Variants in RARB observed in about 807,000 individuals in gnomAD.
The protein encoded by RARB is HBV-activated protein.
Under a neutral mutation model 51.9 loss-of-function variants are expected in RARB, and 17 were observed. That is an observed-to-expected ratio of 0.33 (90% confidence interval 0.22 to 0.49). The LOEUF is 0.49. RARB is among the 20% of genes least tolerant of loss of function. The pLI, the probability that RARB is intolerant of heterozygous loss-of-function variation, is 0.99. For synonymous variants in RARB, 215 were observed against 195.4 expected, an observed-to-expected ratio of 1.10 and a Z score of -0.84; for missense variants, 369 against 550.8, an observed-to-expected ratio of 0.67 and a Z score of 3.30.
intron 3 of RARB, among the ~76,000 whole-genome samples, chr3:25,080,830 T>A (rs1438136539): frequency 6.6e-6 from 1 of 152,174 alleles, no homozygotes; most frequent in Non-Finnish European, 1.5e-5. Flanking sequence ...TTGCAATTTT[T>A]TTCTACTTTT....
Position 25,094,716 on chromosome 3 carries a change from C to CAAAAAAAAAAAAA in RARB, c.-328+34553_-328+34565dup, listed in dbSNP as rs57477720. Among the ~76,000 whole-genome samples the CAAAAAAAAAAAAA allele has an allele frequency of 5.9e-3, 255 of 43,104 alleles. 10 individuals are homozygous for CAAAAAAAAAAAAA. Among genetic ancestry groups the CAAAAAAAAAAAAA allele is most frequent in the Middle Eastern group, 0.031 (1 of 32 alleles). 28.3% of individuals were successfully genotyped at this position (43,104 alleles called of 152,430 possible). A position where few individuals can be genotyped will look rare whatever the true frequency, so the allele number is the denominator to read the frequency against. On this transcript the variant is annotated intron_variant, in intron 3 of 11. Coordinates refer to the RARB transcript ENST00000383772. ...TGGGAGACAGAGTGAGACCCCATCT[C>CAAAAAAAAAAAAA]AAAAAAAAAAAAAAAAAAAAAAAAA...
chr3:24,982,840 G>A (rs375224730), intron 2 of RARB, among the ~76,000 whole-genome samples: 49 of 152,250 alleles, frequency 3.2e-4, no homozygotes, highest in African/African-American at 1.0e-3. Context: ...TTAGTCAAGG[G>A]AAGTTGAATA....
intron 4 of RARB, among the ~76,000 whole-genome samples, chr3:25,137,535 T>C (rs2125335678): frequency 6.6e-6 from 1 of 152,262 alleles, no homozygotes; most frequent in African/African-American, 2.4e-5. Flanking sequence ...AAAGGAGTTT[T>C]GATTTTAGTA....
At chr3:25,043,517 A>G (rs916039494) in intron 2 of RARB, among the ~76,000 whole-genome samples, 7 of 152,238 alleles carry the variant, frequency 4.6e-5, no homozygotes, top group Non-Finnish European at 1.0e-4. Flanking sequence ...GAATTTTAAG[A>G]AGGAAAAATT....
chr3:25,417,198 T>TAAA lies in RARB; in HGVS notation c.179-43982_179-43980dup, dbSNP rs35119404. On this transcript the variant is annotated intron_variant, in intron 5 of 11. Transcript: ENST00000383772. ...GTTAATGCCACATCGAAAAACCAAT[T>TAAA]AAAAAAAAAAAAAAACTGCTGCCTG... is the stretch of plus-strand genomic sequence containing the variant. 2.9e-3 allele frequency among the ~76,000 whole-genome samples: 410 copies of TAAA among 141,648 alleles called. 1 individual carries two copies. The highest frequency in any genetic ancestry group is 4.7e-3 in the Non-Finnish European group (307 of 64,780). 92.9% of individuals were successfully genotyped at this position (141,648 alleles called of 152,430 possible).
At chr3:25,464,930 A>ACG (rs1695355775) in intron 2 of RARB, among the ~76,000 whole-genome samples, 1 of 152,194 alleles carries the variant, frequency 6.6e-6, no homozygotes, top group Non-Finnish European at 1.5e-5. Flanking sequence ...CAATTAATAT[A>ACG]GTAGTTTACG....
intron 5 of RARB, among the ~76,000 whole-genome samples, chr3:25,312,173 A>G (rs1704306672): frequency 6.6e-6 from 1 of 152,160 alleles, no homozygotes; most frequent in Admixed American, 6.5e-5. Flanking sequence ...AAGAAAAATT[A>G]ATGTGTTATT....
intron 2 of RARB, among the ~76,000 whole-genome samples, chr3:24,941,683 C>T (rs910299862): frequency 6.6e-6 from 1 of 152,178 alleles, no homozygotes; most frequent in Non-Finnish European, 1.5e-5. Context: ...GGCAGTCTTT[C>T]AAACAGAATA....
chr3:25,140,129 T>C (rs1300015803), intron 4 of RARB, among the ~76,000 whole-genome samples: 1 of 152,164 alleles, frequency 6.6e-6, no homozygotes, highest in Non-Finnish European at 1.5e-5. Context: ...ACAACACCTA[T>C]TCTGTAGCCC....
At chr3:25,506,398 T>C (rs1156442467) in intron 3 of RARB, among the ~76,000 whole-genome samples, 1 of 151,968 alleles carries the variant, frequency 6.6e-6, no homozygotes, top group African/African-American at 2.4e-5. Flanking sequence ...TTGAGCCCAG[T>C]AGTTTGAGAC....
intron 5 of RARB, among the ~76,000 whole-genome samples, chr3:25,281,893 GA>G (rs1703532478): frequency 6.6e-6 from 1 of 152,186 alleles, no homozygotes; most frequent in South Asian, 2.1e-4. Flanking sequence ...CAGTAGTTTG[GA>G]AATAGCTGTG....
intron 2 of RARB, among the ~76,000 whole-genome samples, chr3:24,890,223 A>T (rs1299283111): frequency 2.6e-5 from 4 of 152,176 alleles, no homozygotes; most frequent in African/African-American, 7.2e-5. Context: ...TAGTGGTTCA[A>T]TAAGAATTGA....
At chr3:25,218,362 A>AC (rs1425910097) in intron 5 of RARB, among the ~76,000 whole-genome samples, 7 of 148,430 alleles carry the variant, frequency 4.7e-5, no homozygotes, top group African/African-American at 1.8e-4. Flanking sequence ...GTTACTACCC[A>AC]CCCCCCAACA....
At chr3:24,844,098 T>C (rs1702455515) in intron 1 of RARB, among the ~76,000 whole-genome samples, 1 of 152,202 alleles carries the variant, frequency 6.6e-6, no homozygotes. Flanking sequence ...CCATCTGTTC[T>C]GCAGATGCAC....
At chr3:25,540,494 G>A (rs564850285) in intron 3 of RARB, among the ~76,000 whole-genome samples, 140 of 152,234 alleles carry the variant, frequency 9.2e-4, no homozygotes, top group African/African-American at 3.0e-3. Flanking sequence ...TTTAACTTCC[G>A]CCCTCATCCT....
chr3:24,928,367 C>T (rs1197514184), intron 2 of RARB, among the ~76,000 whole-genome samples: 2 of 151,886 alleles, frequency 1.3e-5, no homozygotes, highest in Non-Finnish European at 2.9e-5. Context: ...TATAACCCAT[C>T]CTGTAAGTAA....
chr3:25,492,654 ATTC>A (rs1434860477), intron 2 of RARB, among the ~76,000 whole-genome samples: 1 of 150,954 alleles, frequency 6.6e-6, no homozygotes, highest in African/African-American at 2.4e-5. Flanking sequence ...CTGTAATCAT[ATTC>A]TTCTCGAAAG....
At chr3:25,262,709 C>T (rs1216261939) in intron 5 of RARB, among the ~76,000 whole-genome samples, 1 of 152,132 alleles carries the variant, frequency 6.6e-6, no homozygotes, top group Non-Finnish European at 1.5e-5. Flanking sequence ...CCTGGGAAAT[C>T]CAGGAGAATC....
intron 5 of RARB, among the ~76,000 whole-genome samples, chr3:25,292,847 G>C (rs888953301): frequency 6.6e-6 from 1 of 152,136 alleles, no homozygotes; most frequent in African/African-American, 2.4e-5. Flanking sequence ...TGCCCTATTC[G>C]AGGCTGGTCA....
Sources: allele counts gnomAD v4.1 joint callset (sites outside exome capture counted in the v4.1 genomes callset), GRCh38; gene constraint gnomAD v4.1.1; transcripts MANE v1.5; gene names NCBI Gene and HGNC (gene_info 2026-07-23, HGNC 2026-07-21).